The following CPD variants were observed in gnomAD, a reference collection of about 807,000 sequenced individuals.
CPD encodes metallocarboxypeptidase D.
A neutral mutation model predicts 138.3 loss-of-function variants in CPD; 69 were observed. That is an observed-to-expected ratio of 0.50 (90% CI 0.41 to 0.61). The LOEUF (loss-of-function observed/expected upper bound fraction) is 0.61. Among genes scored for constraint, CPD ranks in the 20% least tolerant of loss-of-function variants. CPD has a pLI of 0.00. For missense variants in CPD, 1,432 were observed against 1,733.3 expected (o/e 0.83, Z 3.09); for synonymous variants, 651 against 642.1 (o/e 1.01, Z -0.21).
chr17:30,442,815 T>C (rs948226011), intron 10 of CPD, among the ~76,000 whole-genome samples: 1 of 152,178 alleles, frequency 6.6e-6, no homozygotes. Flanking sequence ...GTGAATGTTT[T>C]TATTCTTTTT....
At chr17:30,397,468 C>G (rs1374266843) in intron 2 of CPD, among the ~76,000 whole-genome samples, 3 of 152,042 alleles carry the variant, frequency 2.0e-5, no homozygotes, top group Non-Finnish European at 4.4e-5. Context: ...TATGGTGGCT[C>G]AGGCCTATGA....
chr17:30,387,040 T>C (rs1189780413), intron 2 of CPD, among the ~76,000 whole-genome samples: 3 of 152,236 alleles, frequency 2.0e-5, no homozygotes, highest in Admixed American at 2.0e-4. Context: ...ACAGTAGATA[T>C]ACCATTTACA....
chr17:30,427,740 T>C (rs947147766), intron 7 of CPD, among the ~76,000 whole-genome samples, 182 bp downstream of exon 7: 11 of 151,688 alleles, frequency 7.3e-5, no homozygotes, highest in Non-Finnish European at 1.2e-4. Context: ...GGCTGTTTCT[T>C]TCCTCCTTCT....
chr17:30,449,846 TAC>T lies in CPD; in HGVS notation c.3069+100_3069+101del, dbSNP rs1441349070. 3 of 1,053,512 alleles carry T rather than the reference TAC, an allele frequency of 2.8e-6. No individual in the cohort carries two copies. In the African/African-American group the frequency reaches 4.9e-5, roughly 17 times the overall value. The allele number at this position is 1,053,512 out of a possible 1,614,324, so 65.3% of individuals were successfully genotyped here. A position where few individuals can be genotyped will look rare whatever the true frequency, so the allele number is the denominator to read the frequency against. On this transcript the variant is annotated intron_variant, in intron 13 of 20. Coordinates refer to ENST00000225719, the MANE Select transcript of CPD (RefSeq NM_001304.5). ...AAATTTTTAATTTCTTGCTAGATTT[TAC>T]AGAGTCACTTGTAGTACATTATGAA...
intron 3 of CPD, 137 bp from the exon 4 acceptor site, chr17:30,421,527 C>G: frequency 1.4e-6 from 1 of 709,070 alleles, no homozygotes; most frequent in Non-Finnish European, 2.4e-6. Flanking sequence ...ATTTAAACTT[C>G]AAGGGATTGA....
At chr17:30,385,541 A>G (rs547842633) in intron 2 of CPD, among the ~76,000 whole-genome samples, 78 of 149,958 alleles carry the variant, frequency 5.2e-4, no homozygotes, top group African/African-American at 1.8e-3. Flanking sequence ...CAATCACACA[A>G]TTTTTTTGCC....
intron 11 of CPD, among the ~76,000 whole-genome samples, chr17:30,445,253 T>G (rs1164728942): frequency 6.6e-6 from 1 of 152,080 alleles, no homozygotes; most frequent in Non-Finnish European, 1.5e-5. Flanking sequence ...TCACTTGAGG[T>G]CAGAAGTTTG....
In CPD at chr17:30,378,965, G is replaced by C. The variant is rs760591855; in HGVS notation, c.-16G>C. ...AGCCGCGGGAGCGGAGCCGGGGTTA[G>C]CGGCGCTGCTGGAAGATGGCGAGCG... On this transcript the variant is annotated 5_prime_UTR_variant, in exon 1 of 21. Coordinates refer to ENST00000225719, the MANE Select transcript of CPD (RefSeq NM_001304.5). 6.7e-7 allele frequency: 1 copy of C among 1,492,170 alleles called. No individual in the cohort carries two copies. The highest frequency in any genetic ancestry group is 1.5e-5 in the African/African-American group (1 of 68,054). 92.4% of individuals were successfully genotyped at this position (1,492,170 alleles called of 1,614,324 possible). A position where few individuals can be genotyped will look rare whatever the true frequency, so the allele number is the denominator to read the frequency against.
chr17:30,397,782 A>G (rs572681772), intron 2 of CPD, among the ~76,000 whole-genome samples: 2 of 151,048 alleles, frequency 1.3e-5, no homozygotes, highest in African/African-American at 4.8e-5. Flanking sequence ...AAATTCCTTA[A>G]AGAGGCATGT....
chr17:30,406,405 G>A (rs775552101), intron 2 of CPD, among the ~76,000 whole-genome samples: 66 of 151,976 alleles, frequency 4.3e-4, no homozygotes, highest in Non-Finnish European at 7.4e-4. Flanking sequence ...TTCTTCTCTT[G>A]GAATTAAGTC....
At chr17:30,382,888 C>T (rs1911085631) in intron 1 of CPD, among the ~76,000 whole-genome samples, 1 of 152,096 alleles carries the variant, frequency 6.6e-6, no homozygotes, top group Non-Finnish European at 1.5e-5. Context: ...CTGGAATGTC[C>T]TTTGGGATGT....
At chr17:30,461,102 A>G (rs1453127654) in intron 17 of CPD, 78 bp from the exon 18 acceptor site, 1 of 1,150,590 alleles carries the variant, frequency 8.7e-7, no homozygotes, top group Non-Finnish European at 1.2e-6. Context: ...CATTTACTCC[A>G]TTTGTTGTAT....
intron 2 of CPD, among the ~76,000 whole-genome samples, chr17:30,390,209 G>T (rs1412896690): frequency 6.6e-6 from 1 of 152,060 alleles, no homozygotes; most frequent in Non-Finnish European, 1.5e-5. Context: ...TAGAGACAGG[G>T]TTTTACCATG....
chr17:30,452,495 C>T (rs2143491256), intron 14 of CPD, among the ~76,000 whole-genome samples: 1 of 150,590 alleles, frequency 6.6e-6, no homozygotes, highest in Non-Finnish European at 1.5e-5. Flanking sequence ...TGGTCTTGAA[C>T]TCCCGACCTC....
At chr17:30,459,808 T>G (rs1199495140) in intron 17 of CPD, among the ~76,000 whole-genome samples, 1 of 152,228 alleles carries the variant, frequency 6.6e-6, no homozygotes, top group African/African-American at 2.4e-5. Context: ...TCTGACAGCA[T>G]TTTAATTCAT....
At chr17:30,463,721 G>A (rs983214316) in intron 20 of CPD, among the ~76,000 whole-genome samples, 3 of 152,188 alleles carry the variant, frequency 2.0e-5, no homozygotes, top group African/African-American at 7.2e-5. Flanking sequence ...TTAGTTGAGA[G>A]AAAGTAGTAT....
intron 2 of CPD, among the ~76,000 whole-genome samples, chr17:30,410,295 C>T (rs565462661): frequency 1.3e-5 from 2 of 152,040 alleles, no homozygotes; most frequent in South Asian, 2.1e-4. Flanking sequence ...TCAATTTTCG[C>T]ATAAGTGTGA....
At chr17:30,426,995 A>G (rs1328988707) in intron 6 of CPD, among the ~76,000 whole-genome samples, 1 of 152,122 alleles carries the variant, frequency 6.6e-6, no homozygotes, top group Non-Finnish European at 1.5e-5. Context: ...AGCCTGGCCA[A>G]CATGGTGAAA....
chr17:30,409,647 G>T (rs569281558), intron 2 of CPD, among the ~76,000 whole-genome samples: 1 of 151,586 alleles, frequency 6.6e-6, no homozygotes, highest in Non-Finnish European at 1.5e-5. Context: ...TGTGTAGAGC[G>T]GTTTATAGTA....
Sources: allele counts gnomAD v4.1 joint callset (sites outside exome capture counted in the v4.1 genomes callset), GRCh38; gene constraint gnomAD v4.1.1; transcripts MANE v1.5; gene names NCBI Gene and HGNC (gene_info 2026-07-23, HGNC 2026-07-21).